Variants in MYOF observed in about 807,000 individuals in gnomAD.
The protein encoded by MYOF is fer-1-like 3, myoferlin.
A neutral mutation model predicts 284.2 loss-of-function variants in MYOF; 244 were observed. The ratio of observed to expected loss-of-function variants is 0.86; its 90% CI spans 0.77 to 0.95. The LOEUF (loss-of-function observed/expected upper bound fraction) is 0.95. Among genes scored for constraint, MYOF ranks in the 40% least tolerant of loss-of-function variants. The probability of loss-of-function intolerance (pLI) is 0.00; values close to 1 mark genes in which losing one functional copy is unlikely to be tolerated. For missense variants in MYOF, 2,496 were observed against 2,560.6 expected, an observed-to-expected ratio of 0.97 and a Z score of 0.54; for synonymous variants, 904 against 919.7, an observed-to-expected ratio of 0.98 and a Z score of 0.31.
intron 9 of MYOF, among the ~76,000 whole-genome samples, chr10:93,403,367 A>G (rs1276168266): frequency 6.6e-6 from 1 of 152,090 alleles, no homozygotes; most frequent in Non-Finnish European, 1.5e-5. Context: ...ATACTATCTC[A>G]TTTAATTTTC....
Position 93,337,904 on chromosome 10 carries a change from T to C in MYOF, c.4348A>G (p.Ile1450Val), listed in dbSNP as rs1689229918. The change falls in exon 40 of 54, where the codon ATC becomes GTC. Residue 1450 changes from isoleucine to valine, a missense_variant. By Grantham distance (29) the Ile-to-Val change is conservative. This residue lies in a region of MYOF where 2,436 missense variants were observed against 2,480.7 expected (regional missense o/e 0.98). Coordinates refer to ENST00000359263, the MANE Select transcript of MYOF (RefSeq NM_013451.4). ...ASKLTEKEEEIVDWWSKFYAS... is the reference protein window; with the variant it reads ...ASKLTEKEEEVVDWWSKFYAS... ...TAAAATTTACTCCACCAGTCCACGA[T>C]TTCTTCCTCCTAAAGACATGCCAAA... 1.9e-6 allele frequency: 3 copies of C among 1,612,536 alleles called. No individual in the cohort carries two copies. In the South Asian group the frequency reaches 3.3e-5, roughly 18 times the overall value.
intron 5 of MYOF, among the ~76,000 whole-genome samples, chr10:93,422,070 C>T (rs1050647306): frequency 1.3e-5 from 2 of 152,058 alleles, no homozygotes; most frequent in Non-Finnish European, 2.9e-5. Flanking sequence ...ATCAAAGAGC[C>T]CGGTTTATTT....
chr10:93,457,069 G>T, intron 1 of MYOF, 132 bp from the exon 2 acceptor site: 1 of 652,308 alleles, frequency 1.5e-6, no homozygotes, highest in Non-Finnish European at 2.6e-6. Context: ...CGCTTAGGAT[G>T]GGTGTTTACC....
rs748515791 is a variant in MYOF at position 93,336,016 on chromosome 10, C to G, written c.4468G>C (p.Glu1490Gln). ...IYNCELENVA[E>Q]FEGLTDFSDT... is the part of the protein sequence containing the mutation. The stretch of plus-strand genomic sequence containing the variant: ...GAGAAGTCTGTCAGGCCCTCAAATT[C>G]TGCTACATTTTCTAGTTCACAATTA... The change falls in exon 41 of 54, where the codon GAA becomes CAA. Residue 1490 changes from glutamate to glutamine, a missense_variant. Transcript: ENST00000359263. 6.2e-7 allele frequency: 1 copy of G among 1,614,028 alleles called. No individual in the cohort carries two copies. The highest frequency in any genetic ancestry group is 1.7e-5 in the Admixed American group (1 of 59,986).
chr10:93,387,779 T>C lies in MYOF; in HGVS notation c.1698+18A>G. ...TCTCCTTTTCTATACCATGCATTAC[T>C]CACACTTTAACATTTACCTCAACAA... On this transcript the variant is annotated intron_variant, in intron 19 of 53. Coordinates refer to ENST00000359263, the MANE Select transcript of MYOF (RefSeq NM_013451.4). The C allele has an allele frequency of 6.2e-7, 1 of 1,603,320 alleles. No homozygotes were observed. Among genetic ancestry groups the C allele is most frequent in the Non-Finnish European group, 8.5e-7 (1 of 1,170,174 alleles).
At chr10:93,311,294 A>G (rs926409694) in intron 51 of MYOF, among the ~76,000 whole-genome samples, 3 of 152,122 alleles carry the variant, frequency 2.0e-5, no homozygotes, top group East Asian at 1.9e-4. Context: ...CAGTGAGGCC[A>G]AAGTGAAAGT....
chr10:93,325,217 A>G (rs1057123396), intron 46 of MYOF, among the ~76,000 whole-genome samples: 2 of 152,196 alleles, frequency 1.3e-5, no homozygotes, highest in Admixed American at 6.5e-5. Context: ...AAGCTTCCAC[A>G]TAGATTATTT....
At chr10:93,445,425 C>A (rs1232723437) in intron 3 of MYOF, among the ~76,000 whole-genome samples, 8 of 152,392 alleles carry the variant, frequency 5.2e-5, no homozygotes, top group Middle Eastern at 3.4e-3. Context: ...GCAAAGGGAA[C>A]TTTCATTCTT....
At chr10:93,393,487 G>A (rs945554467) in intron 16 of MYOF, among the ~76,000 whole-genome samples, 1 of 152,172 alleles carries the variant, frequency 6.6e-6, no homozygotes, top group African/African-American at 2.4e-5. Flanking sequence ...GCAATGAGAG[G>A]CCCCAGAGAC....
intron 15 of MYOF, 142 bp from the exon 16 acceptor site, chr10:93,396,366 C>T (rs1847011580): frequency 1.8e-6 from 1 of 566,930 alleles, no homozygotes; most frequent in African/African-American, 1.9e-5. Flanking sequence ...GTCTAGTGGG[C>T]CTCAAACTTT....
intron 5 of MYOF, among the ~76,000 whole-genome samples, chr10:93,412,923 T>C (rs1847965039): frequency 6.6e-6 from 1 of 152,130 alleles, no homozygotes; most frequent in Non-Finnish European, 1.5e-5. Flanking sequence ...GGTAAACCTG[T>C]CCTGGACCGA....
intron 5 of MYOF, among the ~76,000 whole-genome samples, chr10:93,415,783 G>A (rs562396496): frequency 1.3e-5 from 2 of 152,212 alleles, no homozygotes; most frequent in South Asian, 2.1e-4. Context: ...CTCTTTATAC[G>A]TTCATCGGTT....
At position 93,328,628 on chromosome 10, in the gene MYOF, G is replaced by A. The variant is rs1843160709; in HGVS notation, c.5131+135C>T. 7 of 837,674 alleles carry A rather than the reference G, an allele frequency of 8.4e-6. No homozygotes were observed. The East Asian group carries it at 1.5e-4, about 18-fold the overall frequency. 51.9% of individuals were successfully genotyped at this position (837,674 alleles called of 1,614,324 possible). On this transcript the variant is annotated intron_variant, in intron 45 of 53. Transcript: ENST00000359263. ...AAGACAGCAGAACTCTGACGTGGCT[G>A]TTGTTAGTGTCACGTGCACAGTCTC...
At chr10:93,451,986 A>T (rs773511338) in intron 3 of MYOF, 64 bp downstream of exon 3, 1 of 1,172,860 alleles carries the variant, frequency 8.5e-7, no homozygotes, top group South Asian at 1.3e-5. Flanking sequence ...GTGTCTCTTC[A>T]ACAAAATAAA....
intron 20 of MYOF, among the ~76,000 whole-genome samples, chr10:93,381,013 T>C (rs1340744054): frequency 2.0e-5 from 3 of 152,194 alleles, no homozygotes; most frequent in Non-Finnish European, 4.4e-5. Context: ...GTTCAGCCTC[T>C]GGCAATGGGA....
intron 9 of MYOF, 85 bp downstream of exon 9, chr10:93,403,938 C>T: frequency 6.9e-7 from 1 of 1,443,202 alleles, no homozygotes; most frequent in Non-Finnish European, 9.7e-7. Flanking sequence ...AAGATGCCAC[C>T]AAGATGCGTA....
At chr10:93,328,059 T>C (rs1211193156) in intron 45 of MYOF, among the ~76,000 whole-genome samples, 1 of 152,178 alleles carries the variant, frequency 6.6e-6, no homozygotes, top group South Asian at 2.1e-4. Context: ...TGTGAGCCAC[T>C]GTGCCCGGCC....
At chr10:93,398,216 T>C (rs577630571) in intron 13 of MYOF, among the ~76,000 whole-genome samples, 3 of 152,250 alleles carry the variant, frequency 2.0e-5, no homozygotes, top group Non-Finnish European at 2.9e-5. Flanking sequence ...ATTTTCTTCC[T>C]TGGGGCCCTT....
intron 29 of MYOF, among the ~76,000 whole-genome samples, chr10:93,357,498 G>A (rs1316590333): frequency 1.3e-5 from 2 of 152,198 alleles, no homozygotes; most frequent in African/African-American, 2.4e-5. Flanking sequence ...ACACAGTGAA[G>A]AAGAGATAGG....
Sources: gnomAD v4.1 joint callset for allele counts (sites outside exome capture counted in the v4.1 genomes callset) on GRCh38, gnomAD v4.1.1 for gene constraint, gnomAD v4.1.1 regional missense constraint, MANE v1.5 for transcripts, NCBI Gene and HGNC (gene_info 2026-07-23, HGNC 2026-07-21) for gene names.